NPIPB11: variants seen among roughly 807,000 people sequenced by gnomAD.
NPIPB11 encodes the protein nuclear pore complex interacting protein family member B11, also known as nuclear pore complex-interacting protein family member B11.
Under a neutral mutation model 32.8 loss-of-function variants are expected in NPIPB11, and 17 were observed. That is an observed-to-expected ratio of 0.52 (90% CI 0.35 to 0.78). The LOEUF (loss-of-function observed/expected upper bound fraction) is 0.78, where lower values mean the gene tolerates loss of function less well. Among genes scored for constraint, NPIPB11 ranks in the 30% least tolerant of loss-of-function variants. The probability of loss-of-function intolerance (pLI) is 0.01; values close to 1 mark genes in which losing one functional copy is unlikely to be tolerated. For synonymous variants in NPIPB11, 209 were observed against 398.4 expected, an observed-to-expected ratio of 0.52 and a Z score of 5.66; for missense variants, 537 against 1,000.4, an observed-to-expected ratio of 0.54 and a Z score of 6.25.
chr16:29,404,567 T>C (rs1404296959), upstream of NPIPB11, among the ~76,000 whole-genome samples: 2 of 128,298 alleles, frequency 1.6e-5, no homozygotes, highest in African/African-American at 6.0e-5. Flanking sequence ...GAGGCCACAG[T>C]GCAACCAGGT....
chr16:29,402,680 G>A (rs1308223905), intron 2 of NPIPB11, among the ~76,000 whole-genome samples: 1 of 149,766 alleles, frequency 6.7e-6, no homozygotes, highest in East Asian at 2.0e-4. Flanking sequence ...TCCAGCCTGG[G>A]CGACAGAGTG....
intron 5 of NPIPB11, among the ~76,000 whole-genome samples, chr16:29,389,001 C>T (rs920479871): frequency 1.4e-5 from 2 of 147,352 alleles, no homozygotes; most frequent in East Asian, 2.0e-4. Flanking sequence ...TCTAGACCAG[C>T]TTGGCCAATA....
At chr16:29,394,064 G>C (rs767868923) in exon 3 of NPIPB11, 1 of 1,598,608 alleles carries the variant, frequency 6.3e-7, no homozygotes, top group African/African-American at 1.3e-5. Context: ...TGGTCAGCCA[G>C]AGTATTGATA....
At chr16:29,400,905 C>A (rs1963973240) in intron 2 of NPIPB11, among the ~76,000 whole-genome samples, 1 of 152,102 alleles carries the variant, frequency 6.6e-6, no homozygotes, top group South Asian at 2.1e-4. Flanking sequence ...ACTACCCCCA[C>A]TACCCCCACT....
upstream of NPIPB11, among the ~76,000 whole-genome samples, chr16:29,404,773 A>C (rs538231035): frequency 1.3e-3 from 186 of 147,858 alleles, no homozygotes; most frequent in African/African-American, 4.4e-3. Flanking sequence ...ATGCCAGGGC[A>C]GTGGTCACCT....
Position 29,383,296 on chromosome 16 carries a change from G to T in NPIPB11, c.1636C>A (p.Arg546=), listed in dbSNP as rs536328566. ...TCCGCTGAGGGTGGAAGCGGCCCCC[G>T]CAGATGCTCGGCAGTTGTCTTGATA... Residue 546 remains arginine (R), a synonymous_variant, in exon 8 of 8, where the codon CGG becomes AGG. Coordinates refer to ENST00000524087, the Ensembl canonical transcript of NPIPB11. 1.6e-5 allele frequency: 25 copies of T among 1,553,802 alleles called. 2 individuals carry two copies. The highest frequency in any genetic ancestry group is 2.1e-5 in the Non-Finnish European group (24 of 1,149,204).
At position 29,393,938 on chromosome 16, in the gene NPIPB11, G is replaced by C. The variant is rs2038060984; in HGVS notation, c.249+10C>G. The C allele has an allele frequency of 6.4e-7, 1 of 1,574,674 alleles. No individual in the cohort carries two copies. The highest frequency in any genetic ancestry group is 8.6e-7 in the Non-Finnish European group (1 of 1,166,888). ...ACAAGTATACCTCTACAGAAAGTTAGTATACTCACCCAAAGGTAAACTATC... is the reference window on the plus strand; with the variant it reads ...ACAAGTATACCTCTACAGAAAGTTACTATACTCACCCAAAGGTAAACTATC... On this transcript the variant is annotated intron_variant, in intron 3 of 7. Coordinates refer to ENST00000524087, the Ensembl canonical transcript of NPIPB11.
intron 2 of NPIPB11, among the ~76,000 whole-genome samples, chr16:29,402,390 T>C (rs1964011266): frequency 8.8e-6 from 1 of 113,602 alleles, no homozygotes; most frequent in Non-Finnish European, 1.7e-5. Flanking sequence ...TGTTTTTCTC[T>C]TCATAGTATA....
At chr16:29,397,546 C>T (rs572263501) in intron 2 of NPIPB11, 26 of 1,521,956 alleles carry the variant, frequency 1.7e-5, no homozygotes, top group South Asian at 3.6e-5. Flanking sequence ...GAAGAAACCC[C>T]GAGGGTCCAG....
At chr16:29,391,689 G>A (rs1487213802) in intron 3 of NPIPB11, among the ~76,000 whole-genome samples, 2 of 151,982 alleles carry the variant, frequency 1.3e-5, no homozygotes, top group African/African-American at 4.8e-5. Context: ...CTCAGATGTC[G>A]GTCAGATACC....
intron 2 of NPIPB11, among the ~76,000 whole-genome samples, chr16:29,400,801 G>C (rs1963970259): frequency 6.6e-6 from 1 of 152,132 alleles, no homozygotes; most frequent in Non-Finnish European, 1.5e-5. Context: ...TGGAGCATCA[G>C]CAGTACAGGC....
intron 3 of NPIPB11, among the ~76,000 whole-genome samples, chr16:29,391,611 A>G (rs1244974334): frequency 1.3e-5 from 2 of 151,942 alleles, no homozygotes; most frequent in Admixed American, 6.6e-5. Flanking sequence ...TTATCACAGT[A>G]TGCTTTTAAT....
intron 2 of NPIPB11, among the ~76,000 whole-genome samples, chr16:29,400,187 C>T (rs1250037330): frequency 1.1e-4 from 17 of 148,790 alleles, no homozygotes; most frequent in African/African-American, 2.5e-5. Context: ...GCAGAGAGTA[C>T]TATAATGTCC....
At chr16:29,397,555 A>C in intron 2 of NPIPB11, 1 of 1,524,056 alleles carries the variant, frequency 6.6e-7, no homozygotes, top group Non-Finnish European at 8.8e-7. Flanking sequence ...CCGAGGGTCC[A>C]GCGTCTACTC....
chr16:29,387,864 CAG>C (rs1462750391), intron 5 of NPIPB11, among the ~76,000 whole-genome samples: 3 of 26,232 alleles, frequency 1.1e-4, no homozygotes, highest in East Asian at 4.7e-4. Flanking sequence ...CGCTAGGAAA[CAG>C]GGGCGAAAAC....
Position 29,382,277 on chromosome 16 carries a change from C to A in NPIPB11, c.2655G>T (p.Leu885=), listed in dbSNP as rs1963512071. ...CCGCTGAGGGTGGAAGCGGAACCCA[C>A]AGACGCTCCCCGCAGACGCTCGGCA... The change falls in exon 8 of 8, where the codon CTG becomes CTT. Residue 885 remains leucine, a synonymous_variant. Coordinates refer to ENST00000524087, the Ensembl canonical transcript of NPIPB11. The A allele has an allele frequency of 2.5e-6, 4 of 1,603,682 alleles. No individual in the cohort carries two copies. The Middle Eastern group carries it at 6.8e-4, about 272-fold the overall frequency.
At chr16:29,386,309 C>CA (rs1455880298) in intron 5 of NPIPB11, among the ~76,000 whole-genome samples, 4 of 100,954 alleles carry the variant, frequency 4.0e-5, no homozygotes, top group African/African-American at 1.5e-4. Flanking sequence ...AAAACAAAAA[C>CA]AAAAAAACTG....
chr16:29,391,400 A>G (rs1190657025), intron 3 of NPIPB11, among the ~76,000 whole-genome samples: 1 of 147,896 alleles, frequency 6.8e-6, no homozygotes, highest in Non-Finnish European at 1.5e-5. Flanking sequence ...AAAGGAAGTA[A>G]TTACCTTCAG....
chr16:29,401,037 G>A (rs1016064028), intron 2 of NPIPB11, among the ~76,000 whole-genome samples: 17 of 152,166 alleles, frequency 1.1e-4, no homozygotes, highest in Admixed American at 3.9e-4. Flanking sequence ...GGGCACTTGA[G>A]TCACCCAGGG....
Sources: gnomAD v4.1 joint callset for allele counts (sites outside exome capture counted in the v4.1 genomes callset) on GRCh38, gnomAD v4.1.1 for gene constraint, MANE v1.5 for transcripts, NCBI Gene and HGNC (gene_info 2026-07-23, HGNC 2026-07-21) for gene names.